Variants in AUH observed in about 807,000 individuals in gnomAD.
AUH encodes AU RNA binding methylglutaconyl-CoA hydratase.
A neutral mutation model predicts 42.3 loss-of-function variants in AUH; 29 were observed. That is an observed-to-expected ratio of 0.69 (90% CI 0.51 to 0.93). The LOEUF (loss-of-function observed/expected upper bound fraction) is 0.93. Among genes scored for constraint, AUH ranks in the 40% least tolerant of loss-of-function variants. AUH has a pLI of 0.00. For missense variants in AUH, 452 were observed against 438.1 expected (o/e 1.03, Z -0.28); for synonymous variants, 174 against 166.4 (o/e 1.05, Z -0.35).
At chr9:91,273,520 T>C (rs1825318509) in intron 6 of AUH, among the ~76,000 whole-genome samples, 1 of 152,244 alleles carries the variant, frequency 6.6e-6, no homozygotes. Context: ...GTTGAAAAAC[T>C]ATGATAAATT....
intron 3 of AUH, among the ~76,000 whole-genome samples, chr9:91,327,962 C>G (rs1356439396): frequency 1.3e-5 from 2 of 152,142 alleles, no homozygotes; most frequent in Non-Finnish European, 2.9e-5. Context: ...TGTGGAGGTG[C>G]AGCAGGCACG....
intron 4 of AUH, chr9:91,306,531 C>T (rs778867101): frequency 1.3e-5 from 3 of 226,638 alleles, no homozygotes; most frequent in Non-Finnish European, 2.2e-5. Flanking sequence ...GGCTCTGTAA[C>T]CTTGTTATTT....
At chr9:91,357,000 T>G (rs1832459657) in intron 1 of AUH, among the ~76,000 whole-genome samples, 1 of 152,236 alleles carries the variant, frequency 6.6e-6, no homozygotes. Flanking sequence ...GACAACAAAA[T>G]GTACACATGC....
chr9:91,344,843 A>G (rs1831364247), intron 3 of AUH, among the ~76,000 whole-genome samples: 1 of 152,206 alleles, frequency 6.6e-6, no homozygotes, highest in African/African-American at 2.4e-5. Context: ...AATCAAATCC[A>G]GCAGTATATA....
chr9:91,241,912 T>C (rs921771907), intron 6 of AUH, among the ~76,000 whole-genome samples: 4 of 152,250 alleles, frequency 2.6e-5, no homozygotes, highest in African/African-American at 7.2e-5. Flanking sequence ...TATGTCATCA[T>C]GTCTAATGAT....
At chr9:91,359,372 T>G (rs1832679923) in intron 1 of AUH, among the ~76,000 whole-genome samples, 1 of 152,016 alleles carries the variant, frequency 6.6e-6, no homozygotes, top group Admixed American at 6.6e-5. Flanking sequence ...AGAAATAGAG[T>G]TGTATATTAC....
At chr9:91,293,635 G>A (rs751041783) in intron 6 of AUH, among the ~76,000 whole-genome samples, 8 of 152,212 alleles carry the variant, frequency 5.3e-5, no homozygotes, top group Non-Finnish European at 8.8e-5. Flanking sequence ...GCTACTTCAT[G>A]GTTAAGGAAA....
chr9:91,327,973 G>A (rs1226139263), intron 3 of AUH, among the ~76,000 whole-genome samples: 2 of 152,168 alleles, frequency 1.3e-5, no homozygotes, highest in African/African-American at 4.8e-5. Flanking sequence ...AGCAGGCACG[G>A]GATTCAAGTG....
chr9:91,272,020 C>CTA (rs1027022925), intron 6 of AUH, among the ~76,000 whole-genome samples: 4 of 152,074 alleles, frequency 2.6e-5, no homozygotes, highest in African/African-American at 9.7e-5. Context: ...CAAGACTTTT[C>CTA]TATATATATT....
intron 6 of AUH, among the ~76,000 whole-genome samples, chr9:91,231,496 T>A (rs182270503): frequency 2.4e-3 from 360 of 152,268 alleles, no homozygotes; most frequent in Non-Finnish European, 2.5e-3. Context: ...CAGATGGAAA[T>A]GCAGAAATCA....
At chr9:91,356,003 G>GA (rs2132082842) in intron 2 of AUH, 33 bp from the exon 3 acceptor site, 2 of 1,585,718 alleles carry the variant, frequency 1.3e-6, no homozygotes, top group East Asian at 4.5e-5. Context: ...GGAGGAAAAA[G>GA]AGAAAAAAAA....
intron 6 of AUH, among the ~76,000 whole-genome samples, chr9:91,270,975 T>C (rs2131507135): frequency 6.6e-6 from 1 of 152,320 alleles, no homozygotes; most frequent in South Asian, 2.1e-4. Context: ...AATGCATGAA[T>C]TGAATTTCAT....
At chr9:91,308,355 T>G (rs917483696) in intron 4 of AUH, among the ~76,000 whole-genome samples, 1 of 152,164 alleles carries the variant, frequency 6.6e-6, no homozygotes, top group African/African-American at 2.4e-5. Context: ...AGCGAGACAC[T>G]GTCTCTAAAA....
At position 91,220,850 on chromosome 9, in the gene AUH, C is replaced by T. The variant is rs760509061; in HGVS notation, c.798G>A (p.Ala266=). ...CCAGGTCCAAGGCCTTCCTGTAGGC[C>T]GCGTCTCCCTCCTGGTTCTGTTCCA... ...HVLEQNQEGD[A]AYRKALDLAR... The change falls in exon 7 of 10, where the codon GCG becomes GCA. Residue 266 remains alanine (A), a synonymous_variant. Transcript: ENST00000375731. The T allele has an allele frequency of 9.9e-6, 16 of 1,614,070 alleles. No individual in the cohort carries two copies. The highest frequency in any genetic ancestry group is 2.2e-5 in the South Asian group (2 of 91,082).
At chr9:91,344,514 T>C (rs977505302) in intron 3 of AUH, among the ~76,000 whole-genome samples, 1 of 152,208 alleles carries the variant, frequency 6.6e-6, no homozygotes, top group Non-Finnish European at 1.5e-5. Context: ...TCTTCGAATA[T>C]GTTACAGAAT....
At chr9:91,287,848 G>A (rs977418990) in intron 6 of AUH, among the ~76,000 whole-genome samples, 2 of 152,030 alleles carry the variant, frequency 1.3e-5, no homozygotes, top group Non-Finnish European at 2.9e-5. Context: ...TGTTGATTAT[G>A]TAAGAGACCA....
chr9:91,216,024 GTCAT>G, intron 9 of AUH, 31 bp downstream of exon 9: 1 of 1,576,838 alleles, frequency 6.3e-7, no homozygotes, highest in Middle Eastern at 1.7e-4. Flanking sequence ...ATTTGTAAGG[GTCAT>G]CCTCATTGAA....
intron 4 of AUH, 120 bp from the exon 5 acceptor site, chr9:91,298,196 T>C: frequency 2.7e-6 from 2 of 747,926 alleles, no homozygotes; most frequent in South Asian, 3.0e-5. Flanking sequence ...CAGACTTTTG[T>C]ATCCCTTTTA....
intron 4 of AUH, among the ~76,000 whole-genome samples, chr9:91,321,306 T>C (rs1829548706): frequency 1.3e-5 from 2 of 152,218 alleles, no homozygotes; most frequent in Non-Finnish European, 2.9e-5. Flanking sequence ...AACATCTTAC[T>C]ATTCAAGATG....
Sources: gnomAD v4.1 joint callset for allele counts (sites outside exome capture counted in the v4.1 genomes callset) on GRCh38, gnomAD v4.1.1 for gene constraint, MANE v1.5 for transcripts, NCBI Gene and HGNC (gene_info 2026-07-23, HGNC 2026-07-21) for gene names.